Variants in ADGRG6 observed in about 807,000 individuals in gnomAD.
ADGRG6 encodes G-protein coupled receptor 126.
ADGRG6 carries 84 observed loss-of-function variants against 142.4 expected under a neutral mutation model. That is an observed-to-expected ratio of 0.59 (90% CI 0.49 to 0.71). The LOEUF (loss-of-function observed/expected upper bound fraction) is 0.71, where lower values mean the gene tolerates loss of function less well. Among genes scored for constraint, ADGRG6 ranks in the 30% least tolerant of loss-of-function variants. The pLI is 0.00. For missense variants in ADGRG6, 1,367 were observed against 1,466.6 expected, an observed-to-expected ratio of 0.93 and a Z score of 1.11; for synonymous variants, 521 against 520.5, an observed-to-expected ratio of 1.00 and a Z score of -0.01.
At chr6:142,341,481 A>G (rs1223120898) in intron 2 of ADGRG6, among the ~76,000 whole-genome samples, 1 of 118,900 alleles carries the variant, frequency 8.4e-6, no homozygotes, top group Non-Finnish European at 1.7e-5. Context: ...TATGTAGTAT[A>G]TATACTATAT....
intron 24 of ADGRG6, among the ~76,000 whole-genome samples, chr6:142,440,287 A>C: frequency 6.6e-6 from 1 of 151,932 alleles, no homozygotes; most frequent in Non-Finnish European, 1.5e-5. Flanking sequence ...CTATTATTTT[A>C]TTTTATTTAT....
chr6:142,327,847 A>C (rs916887680), intron 2 of ADGRG6, among the ~76,000 whole-genome samples: 1 of 152,104 alleles, frequency 6.6e-6, no homozygotes, highest in African/African-American at 2.4e-5. Flanking sequence ...CAAGAATCCT[A>C]CATTTTGAGA....
chr6:142,412,499 A>G (rs1776138094), intron 18 of ADGRG6, among the ~76,000 whole-genome samples: 1 of 152,192 alleles, frequency 6.6e-6, no homozygotes. Flanking sequence ...GGCCATTGTC[A>G]TATGGCAACC....
In ADGRG6 at chr6:142,381,987, C is replaced by G. The variant is rs1781792342; in HGVS notation, c.1106C>G (p.Ala369Gly). The change falls in exon 5 of 25, where the codon GCC becomes GGC. Residue 369 changes from alanine to glycine, a missense_variant. Physicochemically the swap from Ala to Gly is moderately conservative, Grantham distance 60 (BLOSUM62 0). Transcript: ENST00000367609. ...ATCCCGCTCCCAGCAGCAGAACTGG[C>G]CAGCTGTGCAGACCTGGGGACCCTC... ...YLIPLPAAEL[A>G]SCADLGTLCQ... 6.2e-7 allele frequency: 1 copy of G among 1,606,790 alleles called. No homozygotes were observed. The highest frequency in any genetic ancestry group is 8.5e-7 in the Non-Finnish European group (1 of 1,175,382).
intron 5 of ADGRG6, 135 bp downstream of exon 5, chr6:142,382,154 T>A (rs941136023): frequency 2.5e-5 from 16 of 628,074 alleles, no homozygotes; most frequent in Non-Finnish European, 4.6e-5. Context: ...GAAGAATTTC[T>A]GCATGTGTTT....
At chr6:142,416,664 G>A (rs1380814245) in intron 20 of ADGRG6, among the ~76,000 whole-genome samples, 2 of 152,104 alleles carry the variant, frequency 1.3e-5, no homozygotes, top group African/African-American at 2.4e-5. Flanking sequence ...TGTTTCAGAT[G>A]GAAATATAAG....
At chr6:142,389,758 A>G (rs1774783463) in intron 6 of ADGRG6, among the ~76,000 whole-genome samples, 1 of 151,890 alleles carries the variant, frequency 6.6e-6, no homozygotes, top group East Asian at 1.9e-4. Flanking sequence ...TTTATTAAGC[A>G]GGGGAAAGAG....
intron 2 of ADGRG6, among the ~76,000 whole-genome samples, chr6:142,313,887 T>TA (rs577653756): frequency 2.0e-5 from 3 of 151,848 alleles, no homozygotes; most frequent in East Asian, 3.9e-4. Context: ...GTCCCCTTTT[T>TA]AAAAAAAAAT....
At chr6:142,309,354 T>C (rs547129140) in intron 1 of ADGRG6, among the ~76,000 whole-genome samples, 190 bp from the exon 2 acceptor site, 4 of 152,052 alleles carry the variant, frequency 2.6e-5, no homozygotes, top group Non-Finnish European at 5.9e-5. Flanking sequence ...ATGGATTTAT[T>C]TTCTTTTGCT....
At chr6:142,394,038 TTAGA>T (rs1364455683) in intron 9 of ADGRG6, 80 bp downstream of exon 9, 12 of 925,964 alleles carry the variant, frequency 1.3e-5, no homozygotes, top group Admixed American at 4.3e-5. Context: ...ATGAAAACAA[TTAGA>T]TAGGAAAGAA....
At chr6:142,310,531 A>G (rs946620756) in intron 2 of ADGRG6, among the ~76,000 whole-genome samples, 1 of 151,670 alleles carries the variant, frequency 6.6e-6, no homozygotes, top group Non-Finnish European at 1.5e-5. Flanking sequence ...TATTTATAAT[A>G]TATATTATCA....
At chr6:142,303,314 G>T (rs1012288361) in intron 1 of ADGRG6, among the ~76,000 whole-genome samples, 14 of 151,934 alleles carry the variant, frequency 9.2e-5, no homozygotes, top group African/African-American at 3.4e-4. Flanking sequence ...TCAGTACATG[G>T]GGAAAGACCT....
intron 2 of ADGRG6, among the ~76,000 whole-genome samples, chr6:142,342,972 G>A (rs1779728066): frequency 1.3e-5 from 2 of 151,506 alleles, no homozygotes; most frequent in African/African-American, 4.8e-5. Context: ...AGATATACAT[G>A]AATGGATTCT....
At chr6:142,438,386 A>C in intron 24 of ADGRG6, 22 bp downstream of exon 24, 2 of 1,526,672 alleles carry the variant, frequency 1.3e-6, no homozygotes, top group Non-Finnish European at 1.8e-6. Flanking sequence ...GATGTCCTCA[A>C]GTTTAGTTCT....
intron 1 of ADGRG6, 120 bp downstream of exon 1, chr6:142,302,451 C>A: frequency 9.6e-7 from 1 of 1,046,606 alleles, no homozygotes; most frequent in Non-Finnish European, 1.4e-6. Context: ...TTCAACTGCA[C>A]GGAGGGAATA....
At chr6:142,315,820 C>CAAATAAATAAAT (rs10609669) in intron 2 of ADGRG6, among the ~76,000 whole-genome samples, 6 of 139,070 alleles carry the variant, frequency 4.3e-5, no homozygotes, top group African/African-American at 8.0e-5. Context: ...AACTACATCT[C>CAAATAAATAAAT]AAATAAATAA....
At chr6:142,390,884 C>T (rs1774859499) in intron 7 of ADGRG6, among the ~76,000 whole-genome samples, 1 of 151,734 alleles carries the variant, frequency 6.6e-6, no homozygotes, top group South Asian at 2.1e-4. Flanking sequence ...TTCTTTTTTA[C>T]ACGAAAAGTA....
chr6:142,379,610 A>G (rs772565263), intron 4 of ADGRG6, among the ~76,000 whole-genome samples: 3 of 152,150 alleles, frequency 2.0e-5, no homozygotes, highest in Non-Finnish European at 4.4e-5. Flanking sequence ...TACTAAAAAT[A>G]CAAAAAATTA....
intron 22 of ADGRG6, among the ~76,000 whole-genome samples, chr6:142,424,495 C>A: frequency 7.0e-6 from 1 of 142,954 alleles, no homozygotes; most frequent in African/African-American, 2.6e-5. Context: ...GTATATTGAA[C>A]CAGCCTTGCA....
Sources: allele counts gnomAD v4.1 joint callset (sites outside exome capture counted in the v4.1 genomes callset), GRCh38; gene constraint gnomAD v4.1.1; transcripts MANE v1.5; gene names NCBI Gene and HGNC (gene_info 2026-07-23, HGNC 2026-07-21).